Variants in CDH3 observed in about 807,000 individuals in gnomAD.
CDH3 encodes cadherin-3.
In CDH3, 54 loss-of-function variants were observed where a neutral mutation model predicts 82.0. The ratio of observed to expected loss-of-function variants is 0.66; its 90% confidence interval spans 0.53 to 0.83. CDH3 has a LOEUF of 0.83. Ranked by LOEUF, CDH3 falls within the 40% of genes least tolerant of loss-of-function variation. CDH3 has a pLI of 0.00. For synonymous variants in CDH3, 446 were observed against 437.9 expected (o/e 1.02, Z -0.23); for missense variants, 1,054 against 1,084.6 (o/e 0.97, Z 0.40).
chr16:68,714,838 C>T (rs371978460), intron 1 of CDH3, among the ~76,000 whole-genome samples: 58 of 152,090 alleles, frequency 3.8e-4, no homozygotes, highest in African/African-American at 1.3e-3. Context: ...AGCAAGACTT[C>T]ATCATTACAA....
rs1359433893 is a variant in CDH3 at position 68,707,814 on chromosome 16, C to T, written c.99+11891C>T. Among the ~76,000 whole-genome samples the T allele has an allele frequency of 1.3e-5, 2 of 152,002 alleles. No homozygotes were observed. Among genetic ancestry groups the T allele is most frequent in the Non-Finnish European group, 1.5e-5 (1 of 68,002 alleles). ...GCCACCCCTGCATTCCCTGTACCCACTGCCCAGCAAGCGGCAGGGGTGTGG... is the reference window on the plus strand; with the variant it reads ...GCCACCCCTGCATTCCCTGTACCCATTGCCCAGCAAGCGGCAGGGGTGTGG... On this transcript the variant is annotated intron_variant, in intron 1 of 2. Coordinates refer to the CDH3 transcript ENST00000569080. This position sits in a 1 kb window ranked among gnomAD's most constrained non-coding sequence, Gnocchi z 4.5.
At chr16:68,679,752 G>A (rs1297549980) in intron 6 of CDH3, 47 bp from the exon 7 acceptor site, 8 of 1,268,046 alleles carry the variant, frequency 6.3e-6, no homozygotes, top group Non-Finnish European at 9.2e-6. Context: ...AGTAGACAGG[G>A]CTGGAGTTGG....
intron 11 of CDH3, chr16:68,686,588 G>C: frequency 8.1e-7 from 1 of 1,236,184 alleles, no homozygotes; most frequent in Non-Finnish European, 1.2e-6. Flanking sequence ...TGGAGATAAA[G>C]TTCTTCTTCC....
At chr16:68,652,069 C>G in intron 2 of CDH3, 1 of 183,066 alleles carries the variant, frequency 5.5e-6, no homozygotes. Flanking sequence ...ATAATTTCCA[C>G]TTAGCTGTAA....
the CDH3 span, among the ~76,000 whole-genome samples, chr16:68,732,580 A>G: frequency 2.6e-5 from 4 of 152,160 alleles, no homozygotes; most frequent in African/African-American, 9.7e-5. Flanking sequence ...CTGGCCAAAC[A>G]TTTCTTTTCC....
At chr16:68,683,681 GAAAATCCAGCCTGGACAACATGGAGA>G (rs1961299675) in intron 9 of CDH3, among the ~76,000 whole-genome samples, 2 of 14,910 alleles carry the variant, frequency 1.3e-4, no homozygotes, top group African/African-American at 4.0e-4. Context: ...AAAAAAAAAA[GAAAATCCAGCCTGGACAACATGGAGA>G]AAAAAAAAAA....
chr16:68,727,394 C>T (rs916208146), exon 3 of CDH3, among the ~76,000 whole-genome samples: 4 of 152,204 alleles, frequency 2.6e-5, no homozygotes, highest in African/African-American at 9.6e-5. Flanking sequence ...TCTCATCTCT[C>T]TCTGTATATA....
chr16:68,693,429 C>T (rs768238811), intron 13 of CDH3, among the ~76,000 whole-genome samples: 8 of 152,004 alleles, frequency 5.3e-5, no homozygotes, highest in Non-Finnish European at 1.0e-4. Flanking sequence ...AGGTAGAGTC[C>T]CTTCAGATTG....
chr16:68,716,356 C>G (rs574874130), intron 1 of CDH3, among the ~76,000 whole-genome samples: 1 of 152,118 alleles, frequency 6.6e-6, no homozygotes, highest in South Asian at 2.1e-4. Flanking sequence ...CACAGTGGCT[C>G]ACTCCTGTAA....
At chr16:68,662,105 A>G (rs1450982567) in intron 2 of CDH3, among the ~76,000 whole-genome samples, 1 of 152,204 alleles carries the variant, frequency 6.6e-6, no homozygotes, top group African/African-American at 2.4e-5. Context: ...GGTTGAGGGA[A>G]ATTTCCCTGA....
At chr16:68,682,623 C>A in intron 9 of CDH3, 136 bp downstream of exon 9, 1 of 814,338 alleles carries the variant, frequency 1.2e-6, no homozygotes, top group Non-Finnish European at 2.1e-6. Context: ...ACTGTTCTAC[C>A]ACTCTTGTGT....
chr16:68,654,658 G>A (rs578046962), intron 2 of CDH3, among the ~76,000 whole-genome samples: 16 of 144,834 alleles, frequency 1.1e-4, no homozygotes, highest in South Asian at 2.2e-4. Flanking sequence ...AGCGGAGATC[G>A]TGTCACTGCA....
At position 68,707,689 on chromosome 16, in the gene CDH3, G is replaced by A. The variant is rs959021309; in HGVS notation, c.99+11766G>A. ...ATGGTGGAAAAGCACTCAGTGTTTAGCGCTGAGCCTGCAGTGCAGTTGGGG... is the reference window on the plus strand; with the variant it reads ...ATGGTGGAAAAGCACTCAGTGTTTAACGCTGAGCCTGCAGTGCAGTTGGGG... On this transcript the variant is annotated intron_variant, in intron 1 of 2. Coordinates refer to the CDH3 transcript ENST00000569080. The surrounding 1 kb of genome is among the most constrained non-coding windows in gnomAD (Gnocchi z 4.5). Among the ~76,000 whole-genome samples the A allele has an allele frequency of 1.3e-5, 2 of 152,186 alleles. No individual in the cohort carries two copies. The highest frequency in any genetic ancestry group is 2.9e-5 in the Non-Finnish European group (2 of 68,022).
chr16:68,704,086 A>G (rs1457641473), downstream of CDH3, among the ~76,000 whole-genome samples: 2 of 152,184 alleles, frequency 1.3e-5, no homozygotes, highest in Non-Finnish European at 2.9e-5. Context: ...GGAGATCGAG[A>G]CCATCCTGGC....
In CDH3 at chr16:68,691,734, T is replaced by G. The variant is rs1181355756; in HGVS notation, c.1810T>G (p.Leu604Val). 23 of 1,613,928 alleles carry G rather than the reference T, an allele frequency of 1.4e-5. No homozygotes were observed. Among genetic ancestry groups the G allele is most frequent in the Non-Finnish European group, 1.9e-5 (23 of 1,179,926 alleles). The change falls in exon 13 of 16, where the codon TTG (leucine) becomes GTG (valine). Residue 604 changes from leucine (L) to valine (V), a missense_variant. By Grantham distance (32) the Leu-to-Val change is conservative (BLOSUM62 1). Coordinates refer to ENST00000264012, the MANE Select transcript of CDH3 (RefSeq NM_001793.6). ...GTTCACTCCAGGTGACACAGTGGTC[T>G]TGTCCCTGAAGAAGTTCCTGAAGCA... ...EVNEEGDTVVLSLKKFLKQDT... is the reference protein window; with the variant it reads ...EVNEEGDTVVVSLKKFLKQDT...
chr16:68,690,178 C>T (rs1422497473), intron 12 of CDH3, among the ~76,000 whole-genome samples: 3 of 152,200 alleles, frequency 2.0e-5, no homozygotes, highest in Non-Finnish European at 4.4e-5. Flanking sequence ...CTTGGAAGGC[C>T]AGTTAGCCCA....
chr16:68,678,186 G>T lies in CDH3; in HGVS notation c.299G>T (p.Arg100Leu), dbSNP rs757633932. 2.4e-5 allele frequency: 38 copies of T among 1,613,688 alleles called. No individual in the cohort carries two copies. In the East Asian group the frequency reaches 8.5e-4, roughly 36 times the overall value. Residue 100 changes from arginine to leucine, a missense_variant, in exon 4 of 16, where the codon CGT becomes CTT. Coordinates refer to ENST00000264012, the MANE Select transcript of CDH3 (RefSeq NM_001793.6). ...RNPLKIFPSK[R>L]ILRRHKRDWV... ...CCATTGAAGATCTTCCCATCCAAACGTATCTTACGAAGACACAAGAGAGAT... is the reference window on the plus strand; with the variant it reads ...CCATTGAAGATCTTCCCATCCAAACTTATCTTACGAAGACACAAGAGAGAT...
At chr16:68,662,572 G>T (rs143932028) in intron 2 of CDH3, among the ~76,000 whole-genome samples, 1 of 138,782 alleles carries the variant, frequency 7.2e-6, no homozygotes, top group Non-Finnish European at 1.5e-5. Context: ...TTTGGAGATG[G>T]AGTCTTGCTC....
rs1465038447 is a variant in CDH3 at position 68,645,633 on chromosome 16, C to T, written c.46-3C>T. 1.3e-6 allele frequency: 2 copies of T among 1,541,038 alleles called. No individual in the cohort carries two copies. The highest frequency in any genetic ancestry group is 1.7e-6 in the Non-Finnish European group (2 of 1,146,234). On this transcript the variant is annotated splice_region_variant and splice_polypyrimidine_tract_variant and intron_variant, in intron 1 of 15. Coordinates refer to ENST00000264012, the MANE Select transcript of CDH3 (RefSeq NM_001793.6). ...CTCCTTCACTCTCTGCCCTCGGGCGCAGGTTTGCTGGCTGCAGTGCGCGGC... is the reference window on the plus strand; with the variant it reads ...CTCCTTCACTCTCTGCCCTCGGGCGTAGGTTTGCTGGCTGCAGTGCGCGGC...
Sources: allele counts gnomAD v4.1 joint callset (sites outside exome capture counted in the v4.1 genomes callset), GRCh38; gene constraint gnomAD v4.1.1; non-coding constraint Gnocchi (gnomAD v3.1); transcripts MANE v1.5; gene names NCBI Gene and HGNC (gene_info 2026-07-23, HGNC 2026-07-21).